TNR: variants seen among roughly 807,000 people sequenced by gnomAD.
TNR encodes the protein tenascin R, also known as tenascin-R.
A neutral mutation model predicts 150.4 loss-of-function variants in TNR; 45 were observed. That is an observed-to-expected ratio of 0.30 (90% CI 0.24 to 0.38). TNR has a LOEUF of 0.38. Ranked by LOEUF, TNR falls within the 10% of genes least tolerant of loss-of-function variation. The probability of loss-of-function intolerance (pLI) is 1.00; values close to 1 mark genes in which losing one functional copy is unlikely to be tolerated. For missense variants in TNR, 1,544 were observed against 1,759.1 expected (o/e 0.88, Z 2.19); for synonymous variants, 687 against 678.4 (o/e 1.01, Z -0.20).
intron 1 of TNR, among the ~76,000 whole-genome samples, chr1:175,710,159 T>C (rs1200247535): frequency 6.6e-6 from 1 of 151,960 alleles, no homozygotes; most frequent in African/African-American, 2.4e-5. Flanking sequence ...CCCTGGAAGA[T>C]CACTCAGGGA....
intron 1 of TNR, among the ~76,000 whole-genome samples, chr1:175,650,798 CTCATTACTA>C (rs1664945000): frequency 1.4e-3 from 2 of 1,454 alleles, no homozygotes; most frequent in Non-Finnish European, 2.7e-3. Flanking sequence ...CCTCCCCCAT[CTCATTACTA>C]CCTGTCCCCC....
chr1:175,666,190 G>C (rs922517257), intron 1 of TNR, among the ~76,000 whole-genome samples: 11 of 152,306 alleles, frequency 7.2e-5, no homozygotes, highest in Admixed American at 5.9e-4. Flanking sequence ...ACTCAGAGAG[G>C]TTGTACGACT....
chr1:175,539,578 T>C (rs1440661319), intron 1 of TNR, among the ~76,000 whole-genome samples: 5 of 152,170 alleles, frequency 3.3e-5, no homozygotes, highest in Admixed American at 6.5e-5. Context: ...TGACCTAGGA[T>C]CCATATCCTC....
At position 175,586,596 on chromosome 1, in the gene TNR, G is replaced by A. The variant is rs139848800; in HGVS notation, c.-164-58227C>T. On this transcript the variant is annotated intron_variant, in intron 1 of 22. Transcript: ENST00000367674. ...GCTGGGACTACAAGCGTGAGCCACC[G>A]TGCCCAGCCCTGCTTTCTTTATTCT... 1.1e-3 allele frequency among the ~76,000 whole-genome samples: 167 copies of A among 152,194 alleles called. 1 individual carries two copies. The highest frequency in any genetic ancestry group is 3.6e-3 in the African/African-American group (148 of 41,516).
intron 8 of TNR, 81 bp from the exon 9 acceptor site, chr1:175,379,818 T>C (rs1272303354): frequency 6.7e-7 from 1 of 1,483,080 alleles, no homozygotes; most frequent in South Asian, 1.3e-5. Context: ...CTGAAAAGAT[T>C]GGTGGTGACA....
chr1:175,472,537 G>T (rs1454900207), intron 2 of TNR, among the ~76,000 whole-genome samples: 2 of 152,170 alleles, frequency 1.3e-5, no homozygotes, highest in Non-Finnish European at 2.9e-5. Context: ...CTACAAACAC[G>T]TGAGTAATGC....
chr1:175,335,679 C>T (rs1165141670), intron 20 of TNR, 32 bp downstream of exon 20: 1 of 1,584,392 alleles, frequency 6.3e-7, no homozygotes, highest in Non-Finnish European at 8.6e-7. Flanking sequence ...GCCAGAGAAG[C>T]ACATCAATGG....
chr1:175,653,306 C>T (rs1322110363), intron 1 of TNR, among the ~76,000 whole-genome samples: 9 of 152,124 alleles, frequency 5.9e-5, no homozygotes, highest in African/African-American at 1.7e-4. Flanking sequence ...AGCATGACAC[C>T]GCATGCACAG....
intron 1 of TNR, among the ~76,000 whole-genome samples, chr1:175,683,236 T>A (rs1666093079): frequency 6.6e-6 from 1 of 152,118 alleles, no homozygotes; most frequent in Non-Finnish European, 1.5e-5. Context: ...ACAGCTTATT[T>A]CCTTATGAGA....
rs146244061 is a variant in TNR, at chr1:175,396,727, T to C, written c.1057A>G (p.Thr353Ala). 3.1e-6 allele frequency: 5 copies of C among 1,614,056 alleles called. No homozygotes were observed. The highest frequency in any genetic ancestry group is 4.2e-6 in the Non-Finnish European group (5 of 1,180,036). Reference sequence around the variant, plus strand: ...GGCTGGTAAGAGATCACATATTCCGTCACTGCCATCGGCCCGTCCCATTCC... The same window carrying C: ...GGCTGGTAAGAGATCACATATTCCGCCACTGCCATCGGCCCGTCCCATTCC... Reference protein sequence around the residue: ...ELEWDGPMAVTEYVISYQPTA... With the variant: ...ELEWDGPMAVAEYVISYQPTA... The change falls in exon 5 of 23, where the codon ACG (threonine) becomes GCG (alanine). Residue 353 changes from threonine (T) to alanine (A), a missense_variant. Thr to Ala is a moderately conservative substitution (Grantham distance 58). Coordinates refer to ENST00000367674, the MANE Select transcript of TNR (RefSeq NM_003285.3).
intron 1 of TNR, among the ~76,000 whole-genome samples, chr1:175,574,197 C>G (rs1017988595): frequency 2.0e-5 from 3 of 152,154 alleles, no homozygotes; most frequent in Non-Finnish European, 4.4e-5. Context: ...CAGGCCATTA[C>G]CATGGCCTTA....
chr1:175,433,265 T>A (rs182393752), intron 2 of TNR, among the ~76,000 whole-genome samples: 1 of 152,350 alleles, frequency 6.6e-6, no homozygotes, highest in African/African-American at 2.4e-5. Flanking sequence ...TCTCTGTGAT[T>A]ATAACTGAAC....
chr1:175,740,486 T>C (rs1288092274), intron 1 of TNR, among the ~76,000 whole-genome samples: 1 of 152,112 alleles, frequency 6.6e-6, no homozygotes, highest in Non-Finnish European at 1.5e-5. Flanking sequence ...TGGCAACCTA[T>C]GGCCATGGAG....
At chr1:175,328,574 G>A (rs1482654857) in intron 21 of TNR, among the ~76,000 whole-genome samples, 1 of 152,192 alleles carries the variant, frequency 6.6e-6, no homozygotes, top group Non-Finnish European at 1.5e-5. Flanking sequence ...CCTAACGGAA[G>A]CCTAGCTTTT....
intron 2 of TNR, among the ~76,000 whole-genome samples, chr1:175,419,466 G>T (rs1332460628): frequency 6.6e-6 from 1 of 152,036 alleles, no homozygotes; most frequent in Non-Finnish European, 1.5e-5. Context: ...AACCCACTAA[G>T]GGGATGCAGA....
At chr1:175,704,764 T>C (rs1263741793) in intron 1 of TNR, among the ~76,000 whole-genome samples, 1 of 152,254 alleles carries the variant, frequency 6.6e-6, no homozygotes, top group African/African-American at 2.4e-5. Flanking sequence ...TCTGAGAATA[T>C]GCCTTTCAAG....
chr1:175,640,089 A>G (rs1316260556), intron 1 of TNR, among the ~76,000 whole-genome samples: 1 of 152,250 alleles, frequency 6.6e-6, no homozygotes, highest in Non-Finnish European at 1.5e-5. Context: ...AATCAGTTAC[A>G]TAAAGCTTCT....
rs182792933 is a variant in TNR, at chr1:175,603,236, C to A, written c.-164-74867G>T. 1.1e-3 allele frequency among the ~76,000 whole-genome samples: 168 copies of A among 152,320 alleles called. 3 individuals are homozygous for A. The Middle Eastern group carries it at 0.02, about 19-fold the overall frequency. On this transcript the variant is annotated intron_variant, in intron 1 of 22. Coordinates refer to ENST00000367674, the MANE Select transcript of TNR (RefSeq NM_003285.3). ...AGACCTTTTTTTCTAGTCTTTCCTG[C>A]TTCCCATACATAAAGCATTGAGATA...
intron 18 of TNR, among the ~76,000 whole-genome samples, chr1:175,348,021 A>G (rs1436033611): frequency 6.6e-6 from 1 of 152,140 alleles, no homozygotes; most frequent in African/African-American, 2.4e-5. Context: ...TAACGGAAAC[A>G]ATAGATACTT....
Sources: allele counts gnomAD v4.1 joint callset (sites outside exome capture counted in the v4.1 genomes callset), GRCh38; gene constraint gnomAD v4.1.1; transcripts MANE v1.5; gene names NCBI Gene and HGNC (gene_info 2026-07-23, HGNC 2026-07-21).